Variants in RGPD4 observed in about 807,000 individuals in gnomAD.
RGPD4 encodes RANBP2 like and GRIP domain containing 4.
In RGPD4, 84 loss-of-function variants were observed where a neutral mutation model predicts 141.1. That is an observed-to-expected ratio of 0.60 (90% CI 0.50 to 0.71). The LOEUF is 0.71. Ranked by LOEUF, RGPD4 falls within the 30% of genes least tolerant of loss-of-function variation. The pLI is 0.00. For synonymous variants in RGPD4, 298 were observed against 566.8 expected, an observed-to-expected ratio of 0.53 and a Z score of 6.74; for missense variants, 918 against 1,622.4, an observed-to-expected ratio of 0.57 and a Z score of 7.46.
At chr2:107,857,532 A>G (rs1682367721) in intron 9 of RGPD4, among the ~76,000 whole-genome samples, 1 of 150,810 alleles carries the variant, frequency 6.6e-6, no homozygotes, top group African/African-American at 2.5e-5. Context: ...TTCTGGGCTC[A>G]AGGGATTCTC....
chr2:107,871,595 A>C lies in RGPD4; in HGVS notation c.3591A>C (p.Glu1197Asp). 1 of 1,589,382 alleles carries C rather than the reference A, an allele frequency of 6.3e-7. No individual in the cohort carries two copies. The highest frequency in any genetic ancestry group is 8.5e-7 in the Non-Finnish European group (1 of 1,173,410). Residue 1197 changes from glutamate to aspartate, a missense_variant, in exon 20 of 23, where the codon GAA becomes GAC. Glu to Asp is a conservative substitution (Grantham distance 45). Transcript: ENST00000408999. Reference sequence around the variant, plus strand: ...CCAAGTTAATACAGAGAGCTGAAGAAATGAAGAGTGGACTGAAAGATTTCA... The same window carrying C: ...CCAAGTTAATACAGAGAGCTGAAGACATGAAGAGTGGACTGAAAGATTTCA... Reference protein sequence around the residue: ...RAAKLIQRAEEMKSGLKDFKT... With the variant: ...RAAKLIQRAEDMKSGLKDFKT...
chr2:107,827,583 G>T (rs867723948), intron 1 of RGPD4, among the ~76,000 whole-genome samples: 1 of 43,142 alleles, frequency 2.3e-5, no homozygotes, highest in Non-Finnish European at 4.7e-5. Context: ...CTGTTGAGGC[G>T]GCGGCCTCGA....
At chr2:107,844,863 G>A (rs1430788092) in intron 6 of RGPD4, among the ~76,000 whole-genome samples, 1 of 93,766 alleles carries the variant, frequency 1.1e-5, no homozygotes, top group Non-Finnish European at 2.0e-5. Context: ...TTGAGAGGGA[G>A]TCTTGCTCTG....
At position 107,827,068 on chromosome 2, in the gene RGPD4, G is replaced by C. The variant is rs1681213700; in HGVS notation, c.55G>C (p.Ala19Pro). ...ERYVASVQGS[A>P]PSPRKKSTRG... is the part of the protein sequence containing the mutation. Reference sequence around the variant, plus strand: ...GTACGTCGCCTCCGTGCAGGGCTCCGCCCCGTCGCCTCGAAAGGTGAGTGG... The same window carrying C: ...GTACGTCGCCTCCGTGCAGGGCTCCCCCCCGTCGCCTCGAAAGGTGAGTGG... Residue 19 changes from alanine to proline, a missense_variant, in exon 1 of 23, where the codon GCC (alanine) becomes CCC (proline). Physicochemically the swap from Ala to Pro is conservative, Grantham distance 27. Transcript: ENST00000408999. The C allele has an allele frequency of 1.3e-6, 2 of 1,592,140 alleles. No homozygotes were observed. Among genetic ancestry groups the C allele is most frequent in the Non-Finnish European group, 1.7e-6 (2 of 1,170,654 alleles).
At chr2:107,888,876 A>G (rs1390817480) in intron 22 of RGPD4, among the ~76,000 whole-genome samples, 1 of 143,638 alleles carries the variant, frequency 7.0e-6, no homozygotes, top group Middle Eastern at 3.4e-3. Context: ...CCATGCCAAC[A>G]TCTTGATTGC....
chr2:107,845,270 GCT>G (rs1382400115), intron 6 of RGPD4, among the ~76,000 whole-genome samples: 5 of 92,532 alleles, frequency 5.4e-5, no homozygotes, highest in Admixed American at 1.8e-4. Flanking sequence ...ACAGAGTCTC[GCT>G]CTGTCACCCA....
chr2:107,875,942 G>A (rs1683077776), intron 20 of RGPD4, among the ~76,000 whole-genome samples: 1 of 143,688 alleles, frequency 7.0e-6, no homozygotes, highest in Non-Finnish European at 1.5e-5. Flanking sequence ...GTATAGTTAG[G>A]CAACACTTTA....
intron 1 of RGPD4, among the ~76,000 whole-genome samples, chr2:107,827,797 G>T (rs1175191382): frequency 3.4e-5 from 1 of 29,672 alleles, no homozygotes; most frequent in South Asian, 1.7e-3. Flanking sequence ...CGGCGGCCTC[G>T]ACCCGGCCCG....
intron 1 of RGPD4, among the ~76,000 whole-genome samples, chr2:107,828,634 G>A (rs1421035170): frequency 0.052 from 1,670 of 32,064 alleles, 4 homozygotes; most frequent in Non-Finnish European, 0.072. Context: ...CCCGGCGGCG[G>A]CCTCGATGGC....
At chr2:107,890,682 ACT>A (rs756162701) in intron 22 of RGPD4, 37 bp from the exon 23 acceptor site, 2 of 1,558,520 alleles carry the variant, frequency 1.3e-6, no homozygotes, top group South Asian at 1.2e-5. Flanking sequence ...AAATTTTAAT[ACT>A]CTCTTTTTTC....
intron 22 of RGPD4, among the ~76,000 whole-genome samples, chr2:107,890,384 C>CA (rs954261720): frequency 9.8e-5 from 13 of 132,344 alleles, no homozygotes; most frequent in East Asian, 2.0e-4. Flanking sequence ...TGCATCTCTA[C>CA]AAAAAAACAA....
chr2:107,854,225 GT>G (rs1205040896), intron 7 of RGPD4, among the ~76,000 whole-genome samples: 25 of 136,452 alleles, frequency 1.8e-4, no homozygotes, highest in Admixed American at 4.4e-4. Context: ...CTGGCTCTTT[GT>G]TTTTTTTTTT....
Position 107,886,275 on chromosome 2 carries a change from C to T in RGPD4, c.5266+3402C>T, listed in dbSNP as rs1395121295. Among the ~76,000 whole-genome samples, 5 of 108,684 alleles carry T rather than the reference C, an allele frequency of 4.6e-5. No individual in the cohort carries two copies. In the East Asian group the frequency reaches 8.3e-4, roughly 18 times the overall value. 71.3% of individuals were successfully genotyped at this position (108,684 alleles called of 152,430 possible). On this transcript the variant is annotated intron_variant, in intron 22 of 22. Transcript: ENST00000408999. ...GGATATCTATCCACAGATTCAAAAA[C>T]CCAATAAAATCTCAAGCAGTATTAA...
In RGPD4 at chr2:107,859,365, C is replaced by T. The variant is rs769152024; in HGVS notation, c.1459-14C>T. On this transcript the variant is annotated splice_polypyrimidine_tract_variant and intron_variant, in intron 10 of 22. Transcript: ENST00000408999. ...ATTTTTTTTTCTAACTTAACTTTTC[C>T]TTAAATAAAACAGGTATTTCTCCTT... 1 of 1,596,924 alleles carries T rather than the reference C, an allele frequency of 6.3e-7. No individual in the cohort carries two copies.
chr2:107,829,860 C>T (rs1019442105), intron 1 of RGPD4, among the ~76,000 whole-genome samples: 3 of 151,978 alleles, frequency 2.0e-5, no homozygotes, highest in Non-Finnish European at 4.4e-5. Context: ...GGTGCTGTAT[C>T]GGCGGGTTTC....
rs1275685474 is a variant in RGPD4, at chr2:107,871,326, G to T, written c.3322G>T (p.Val1108Leu). 5 of 1,600,274 alleles carry T rather than the reference G, an allele frequency of 3.1e-6. No homozygotes were observed. Among genetic ancestry groups the T allele is most frequent in the Non-Finnish European group, 4.2e-6 (5 of 1,177,598 alleles). Residue 1108 changes from valine to leucine, a missense_variant, in exon 20 of 23, where the codon GTG becomes TTG. Val to Leu is a conservative substitution (Grantham distance 32, BLOSUM62 1). Coordinates refer to ENST00000408999, the MANE Select transcript of RGPD4 (RefSeq NM_182588.3). Reference sequence around the variant, plus strand: ...GATGCGAAGAGAACAAGTACTAAAAGTGTGTGCTAATCATTGGATAACGAC... The same window carrying T: ...GATGCGAAGAGAACAAGTACTAAAATTGTGTGCTAATCATTGGATAACGAC... ...MLMRREQVLK[V>L]CANHWITTTM...
chr2:107,890,681 T>C (rs2104526250), intron 22 of RGPD4, 40 bp from the exon 23 acceptor site: 1 of 1,571,132 alleles, frequency 6.4e-7, no homozygotes, highest in Non-Finnish European at 8.6e-7. Context: ...GAAATTTTAA[T>C]ACTCTCTTTT....
At chr2:107,886,178 A>G (rs1383106127) in intron 22 of RGPD4, among the ~76,000 whole-genome samples, 20 of 141,870 alleles carry the variant, frequency 1.4e-4, no homozygotes, top group African/African-American at 5.1e-4. Context: ...TCGAAGTTCT[A>G]AAAGGAGAGA....
intron 22 of RGPD4, among the ~76,000 whole-genome samples, chr2:107,885,980 G>T (rs1364729076): frequency 6.6e-6 from 1 of 151,280 alleles, no homozygotes. Flanking sequence ...TTGAACCCAG[G>T]AGGCAGAGGT....
Sources: gnomAD v4.1 joint callset for allele counts (sites outside exome capture counted in the v4.1 genomes callset) on GRCh38, gnomAD v4.1.1 for gene constraint, MANE v1.5 for transcripts, NCBI Gene and HGNC (gene_info 2026-07-23, HGNC 2026-07-21) for gene names.